EVI5: variants seen among roughly 807,000 people sequenced by gnomAD.
The protein encoded by EVI5 is ecotropic viral integration site 5.
In EVI5, 73 loss-of-function variants were observed where a neutral mutation model predicts 112.0. The observed-to-expected ratio is 0.65, with a 90% CI of 0.54 to 0.79. EVI5 has a LOEUF of 0.79. Among genes scored for constraint, EVI5 ranks in the 30% least tolerant of loss-of-function variants. The probability of loss-of-function intolerance (pLI) is 0.00; values close to 1 mark genes in which losing one functional copy is unlikely to be tolerated. For missense variants in EVI5, 900 were observed against 968.8 expected (o/e 0.93, Z 0.94); for synonymous variants, 305 against 319.9 (o/e 0.95, Z 0.50).
rs2101617463 is a variant in EVI5, at chr1:92,512,229, T to G, written c.*1427A>C. ...TCTATAGAACAAAAACTAGAGATTC[T>G]GAAGATCATGTTAATAGATTATTTG... is the stretch of plus-strand genomic sequence containing the variant. On this transcript the variant is annotated 3_prime_UTR_variant, in exon 20 of 20. Coordinates refer to ENST00000684568, the MANE Select transcript of EVI5 (RefSeq NM_001350197.2). The G allele has an allele frequency of 6.5e-6, 1 of 152,812 alleles. No individual in the cohort carries two copies. The highest frequency in any genetic ancestry group is 2.4e-5 in the African/African-American group (1 of 41,602). The allele number at this position is 152,812 out of a possible 1,614,324, so 9.5% of individuals were successfully genotyped here.
At chr1:92,689,249 C>A (rs1254755127) in intron 9 of EVI5, among the ~76,000 whole-genome samples, 1 of 152,052 alleles carries the variant, frequency 6.6e-6, no homozygotes, top group Non-Finnish European at 1.5e-5. Context: ...ACTTTGCAAC[C>A]TTAAAACATT....
chr1:92,732,935 A>T (rs1366534529), intron 2 of EVI5: 1 of 147,576 alleles, frequency 6.8e-6, no homozygotes, highest in Non-Finnish European at 1.5e-5. Flanking sequence ...CTAACAGGCC[A>T]GGCACAGTGG....
At chr1:92,791,875 T>G (rs188278322) in intron 1 of EVI5, among the ~76,000 whole-genome samples, 1 of 152,318 alleles carries the variant, frequency 6.6e-6, no homozygotes, top group Admixed American at 6.5e-5. Flanking sequence ...CTGAAATCAT[T>G]GAGAGGCCAT....
In EVI5 at chr1:92,736,543, C is replaced by A. The variant is rs776962871; in HGVS notation, c.4G>T (p.Ala2Ser). 3 of 1,613,902 alleles carry A rather than the reference C, an allele frequency of 1.9e-6. No homozygotes were observed. Among genetic ancestry groups the A allele is most frequent in the Non-Finnish European group, 2.5e-6 (3 of 1,179,864 alleles). Reference sequence around the variant, plus strand: ...GTAGATGGACTTGCCACCTGACTGGCCATCTGACTGACTGTATGCGATACT... The same window carrying A: ...GTAGATGGACTTGCCACCTGACTGGACATCTGACTGACTGTATGCGATACT... M[A>S]SQVASPSTSL... The change falls in exon 2 of 20, where the codon GCC becomes TCC. Residue 2 changes from alanine (A) to serine (S), a missense_variant. By Grantham distance (99) the Ala-to-Ser change is moderately conservative. Coordinates refer to ENST00000684568, the MANE Select transcript of EVI5 (RefSeq NM_001350197.2).
At chr1:92,706,104 CAAT>C (rs1260511060) in intron 2 of EVI5, among the ~76,000 whole-genome samples, 2 of 151,530 alleles carry the variant, frequency 1.3e-5, no homozygotes, top group African/African-American at 4.9e-5. Context: ...TTCATGGCAA[CAAT>C]AATTAAAATA....
intron 9 of EVI5, among the ~76,000 whole-genome samples, chr1:92,685,322 T>C (rs544382179): frequency 6.6e-6 from 1 of 152,174 alleles, no homozygotes; most frequent in East Asian, 1.9e-4. Context: ...CATAACAAAA[T>C]GAAGGCAGAA....
intron 13 of EVI5, among the ~76,000 whole-genome samples, chr1:92,654,009 C>T (rs1371198663): frequency 1.3e-5 from 2 of 151,932 alleles, no homozygotes; most frequent in South Asian, 2.1e-4. Context: ...TTACCAGGAG[C>T]TTCCCTGCCA....
chr1:92,623,320 G>A (rs373246378), intron 16 of EVI5, among the ~76,000 whole-genome samples: 2 of 152,096 alleles, frequency 1.3e-5, no homozygotes, highest in Non-Finnish European at 2.9e-5. Context: ...ACATATTCAT[G>A]TTACCATGTT....
intron 2 of EVI5, among the ~76,000 whole-genome samples, chr1:92,734,478 CTT>C (rs35172325): frequency 1.3e-5 from 2 of 150,930 alleles, no homozygotes; most frequent in African/African-American, 2.4e-5. Context: ...TCTTTTTCTT[CTT>C]TTTTTTTTGA....
rs544076380 is a variant in EVI5, at chr1:92,548,090, A to C, written c.2166+15552T>G. 2.6e-5 allele frequency among the ~76,000 whole-genome samples: 4 copies of C among 152,330 alleles called. No homozygotes were observed. In the East Asian group the frequency reaches 5.8e-4, roughly 22 times the overall value. ...TATCCCTGATGAACATCAATGTGAA[A>C]ATCCTCAATAAAATACTGGCAAACC... On this transcript the variant is annotated intron_variant, in intron 19 of 19. Coordinates refer to ENST00000684568, the MANE Select transcript of EVI5 (RefSeq NM_001350197.2).
At chr1:92,715,835 C>T (rs1002147567) in intron 2 of EVI5, among the ~76,000 whole-genome samples, 1 of 152,158 alleles carries the variant, frequency 6.6e-6, no homozygotes, top group Admixed American at 6.5e-5. Context: ...GTGGGTCCCA[C>T]ACCCACAGAG....
In EVI5 at chr1:92,552,122, GA is replaced by G. The variant is rs143454054; in HGVS notation, c.2166+11519del. On this transcript the variant is annotated intron_variant, in intron 19 of 19. Coordinates refer to ENST00000684568, the MANE Select transcript of EVI5 (RefSeq NM_001350197.2). Reference sequence around the variant, plus strand: ...GTTCGAGGACTAATGGGGCTGTAGGGAAAAAAAAAAAAAAAAAAAAAGACAC... The same window carrying G: ...GTTCGAGGACTAATGGGGCTGTAGGGAAAAAAAAAAAAAAAAAAAAGACAC... Among the ~76,000 whole-genome samples, 101 of 123,126 alleles carry G rather than the reference GA, an allele frequency of 8.2e-4. 1 individual carries two copies. In the East Asian group the frequency reaches 0.012, roughly 15 times the overall value. The allele number at this position is 123,126 out of a possible 152,430, so 80.8% of individuals were successfully genotyped here. A position where few individuals can be genotyped will look rare whatever the true frequency, so the allele number is the denominator to read the frequency against.
chr1:92,595,332 G>GC (rs1647444568), intron 18 of EVI5, among the ~76,000 whole-genome samples: 1 of 151,200 alleles, frequency 6.6e-6, no homozygotes, highest in East Asian at 1.9e-4. Context: ...AACAAACACC[G>GC]CATGTTCTCA....
chr1:92,748,747 G>A (rs1431547191), intron 1 of EVI5, among the ~76,000 whole-genome samples: 1 of 152,006 alleles, frequency 6.6e-6, no homozygotes, highest in Non-Finnish European at 1.5e-5. Context: ...TGTGCTATGA[G>A]TAGGTACAAG....
chr1:92,527,363 T>C (rs2101803588), intron 19 of EVI5, among the ~76,000 whole-genome samples: 1 of 134,454 alleles, frequency 7.4e-6, no homozygotes, highest in South Asian at 2.2e-4. Flanking sequence ...TGCAATGTGC[T>C]GAGATGGTGC....
chr1:92,653,695 C>A (rs181040577), intron 13 of EVI5, among the ~76,000 whole-genome samples: 1 of 152,274 alleles, frequency 6.6e-6, no homozygotes, highest in East Asian at 1.9e-4. Flanking sequence ...AAAGGTGGGA[C>A]CCCCTCCCCC....
chr1:92,775,065 C>A (rs1390869879), intron 1 of EVI5, among the ~76,000 whole-genome samples: 1 of 152,176 alleles, frequency 6.6e-6, no homozygotes, highest in Admixed American at 6.6e-5. Flanking sequence ...ATTTTATATA[C>A]AAACACAAAA....
At chr1:92,614,265 C>A (rs1033228520) in intron 16 of EVI5, among the ~76,000 whole-genome samples, 1 of 152,100 alleles carries the variant, frequency 6.6e-6, no homozygotes, top group Non-Finnish European at 1.5e-5. Flanking sequence ...CAGTCCTACA[C>A]AAGATATCCA....
At chr1:92,600,120 A>G (rs1411870256) in intron 18 of EVI5, among the ~76,000 whole-genome samples, 1 of 152,140 alleles carries the variant, frequency 6.6e-6, no homozygotes, top group East Asian at 1.9e-4. Flanking sequence ...AATGACTCAA[A>G]TTACCTTTTA....
Sources: allele counts gnomAD v4.1 joint callset (sites outside exome capture counted in the v4.1 genomes callset), GRCh38; gene constraint gnomAD v4.1.1; transcripts MANE v1.5; gene names NCBI Gene and HGNC (gene_info 2026-07-23, HGNC 2026-07-21).